The following ATAD2 variants were observed in gnomAD, a reference collection of about 807,000 sequenced individuals.
The protein encoded by ATAD2 is ATPase family AAA domain containing 2.
In ATAD2, 62 loss-of-function variants were observed where a neutral mutation model predicts 168.9. The observed-to-expected ratio is 0.37, with a 90% CI of 0.30 to 0.45. ATAD2 has a LOEUF of 0.45. Ranked by LOEUF, ATAD2 falls within the 20% of genes least tolerant of loss-of-function variation. The pLI, the probability that ATAD2 is intolerant of heterozygous loss-of-function variation, is 1.00. For missense variants in ATAD2, 1,419 were observed against 1,667.8 expected, an observed-to-expected ratio of 0.85 and a Z score of 2.60; for synonymous variants, 613 against 571.6, an observed-to-expected ratio of 1.07 and a Z score of -1.03.
chr8:123,368,450 T>A (rs1221220150), intron 8 of ATAD2, among the ~76,000 whole-genome samples: 1 of 151,212 alleles, frequency 6.6e-6, no homozygotes, highest in African/African-American at 2.4e-5. Flanking sequence ...ATAAATAAAA[T>A]AAAAATAGAA....
chr8:123,343,577 A>C (rs1828133600), intron 19 of ATAD2, among the ~76,000 whole-genome samples: 1 of 152,208 alleles, frequency 6.6e-6, no homozygotes, highest in Non-Finnish European at 1.5e-5. Flanking sequence ...GTGTTCTAAA[A>C]AGTGTAAACC....
intron 19 of ATAD2, chr8:123,344,642 C>T (rs559959558): frequency 3.9e-5 from 16 of 415,316 alleles, no homozygotes; most frequent in East Asian, 2.6e-4. Flanking sequence ...CCACTGCACC[C>T]GGCATATAAT....
chr8:123,372,705 GATTA>G lies in ATAD2; in HGVS notation c.321-23_321-20del. 1 of 1,543,716 alleles carries G rather than the reference GATTA, an allele frequency of 6.5e-7. No homozygotes were observed. On this transcript the variant is annotated intron_variant, in intron 2 of 27. Coordinates refer to ENST00000287394, the MANE Select transcript of ATAD2 (RefSeq NM_014109.4). ...CAACTGCCTATATTTTAAAAAATTA[GATTA>G]ATTCAAAATAATTGACATAACTTTA...
At chr8:123,339,284 A>C in intron 20 of ATAD2, 27 bp downstream of exon 20, 1 of 1,469,426 alleles carries the variant, frequency 6.8e-7, no homozygotes, top group South Asian at 1.3e-5. Flanking sequence ...AAAATTATTA[A>C]ATATTAACTT....
rs1255925913 is a variant in ATAD2 at position 123,386,399 on chromosome 8, G to GAAAT, written c.172-5726_172-5723dup. Among the ~76,000 whole-genome samples the GAAAT allele has an allele frequency of 5.3e-5, 8 of 152,278 alleles. No individual in the cohort carries two copies. In the South Asian group the frequency reaches 1.7e-3, roughly 32 times the overall value. On this transcript the variant is annotated intron_variant, in intron 1 of 27. Coordinates refer to ENST00000287394, the MANE Select transcript of ATAD2 (RefSeq NM_014109.4). ...GATGAACTCTGAAGATATGCTAAGTGAAATAAGCAAGTCATAAAAGACAAA... is the reference window on the plus strand; with the variant it reads ...GATGAACTCTGAAGATATGCTAAGTGAAATAAATAAGCAAGTCATAAAAGACAAA...
At chr8:123,407,784 C>T (rs1447814415) in intron 1 of ATAD2, among the ~76,000 whole-genome samples, 6 of 150,872 alleles carry the variant, frequency 4.0e-5, no homozygotes, top group East Asian at 2.0e-4. Context: ...ACCTAGGAGG[C>T]GGAGGTTGCA....
chr8:123,384,091 A>AG lies in ATAD2; in HGVS notation c.172-3415_172-3414insC, dbSNP rs1201790374. ...CGAGACTCCGTCTCAAAAAAAAAAA[A>AG]AAAGAAAGAAAGAAAAAAACTGAAT... is the stretch of plus-strand genomic sequence containing the variant. On this transcript the variant is annotated intron_variant, in intron 1 of 27. Coordinates refer to ENST00000287394, the MANE Select transcript of ATAD2 (RefSeq NM_014109.4). 5.3e-5 allele frequency among the ~76,000 whole-genome samples: 8 copies of AG among 151,926 alleles called. 1 individual carries two copies. Among genetic ancestry groups the AG allele is most frequent in the Admixed American group, 6.5e-5 (1 of 15,268 alleles).
rs779379557 is a variant in ATAD2 at position 123,336,483 on chromosome 8, A to G, written c.3101T>C (p.Val1034Ala). ...CTTGTGTAGATCAATTTTACTGATTACAGATGAAAGGTCCATTGGTTGCTT... is the reference window on the plus strand; with the variant it reads ...CTTGTGTAGATCAATTTTACTGATTGCAGATGAAAGGTCCATTGGTTGCTT... ...VIKQPMDLSS[V>A]ISKIDLHKYL... The change falls in exon 22 of 28, where the codon GTA (valine) becomes GCA (alanine). Residue 1034 changes from valine (V) to alanine (A), a missense_variant. Transcript: ENST00000287394. 2 of 1,542,238 alleles carry G rather than the reference A, an allele frequency of 1.3e-6. No homozygotes were observed. The highest frequency in any genetic ancestry group is 2.4e-5 in the East Asian group (1 of 41,250).
At chr8:123,370,072 TAAC>T in intron 6 of ATAD2, 48 bp from the exon 7 acceptor site, 2 of 1,514,186 alleles carry the variant, frequency 1.3e-6, no homozygotes, top group Non-Finnish European at 1.8e-6. Flanking sequence ...AGCAAAATGT[TAAC>T]AATTTTTAAC....
chr8:123,391,746 CA>C (rs1425325824), intron 1 of ATAD2, among the ~76,000 whole-genome samples: 1 of 152,110 alleles, frequency 6.6e-6, no homozygotes, highest in African/African-American at 2.4e-5. Context: ...GTAAAGCCCC[CA>C]AATCAGAAAA....
rs1827452460 is a variant in ATAD2 at position 123,320,998 on chromosome 8, G to A, written c.*136C>T. The A allele has an allele frequency of 2.6e-6, 2 of 759,578 alleles. No individual in the cohort carries two copies. Among genetic ancestry groups the A allele is most frequent in the Admixed American group, 2.9e-5 (1 of 34,246 alleles). The allele number at this position is 759,578 out of a possible 1,614,324, so 47.1% of individuals were successfully genotyped here. A position where few individuals can be genotyped will look rare whatever the true frequency, so the allele number is the denominator to read the frequency against. On this transcript the variant is annotated 3_prime_UTR_variant, in exon 28 of 28. Transcript: ENST00000287394. ...TAATATGTACATAAATATCAGGAAA[G>A]TTTAAATACTTTTATTTTACTATTT...
At chr8:123,401,136 G>C, upstream of ATAD2, 1 of 1,209,174 alleles carries the variant, frequency 8.3e-7, no homozygotes, top group Non-Finnish European at 1.2e-6. Flanking sequence ...AGCTGGTGGT[G>C]GCTCCAGCAG....
At chr8:123,405,796 C>T (rs1191615705) in intron 1 of ATAD2, among the ~76,000 whole-genome samples, 3 of 152,178 alleles carry the variant, frequency 2.0e-5, no homozygotes, top group Non-Finnish European at 4.4e-5. Context: ...TTTAAGTAGA[C>T]CTTTCTTGCT....
In ATAD2 at chr8:123,402,544, C is replaced by G. The variant is rs751509663; in HGVS notation, c.-2281-1369G>C. Reference sequence around the variant, plus strand: ...CATGTGGCACTTCTGAGCTCCTGACCTAGGCTAAGGGGAGGTCTCTGCCCC... The same window carrying G: ...CATGTGGCACTTCTGAGCTCCTGACGTAGGCTAAGGGGAGGTCTCTGCCCC... On this transcript the variant is annotated intron_variant, in intron 1 of 28. Coordinates refer to the ATAD2 transcript ENST00000521903. This position sits in a 1 kb window ranked among gnomAD's most constrained non-coding sequence, Gnocchi z 4.8. 3.3e-5 allele frequency among the ~76,000 whole-genome samples: 5 copies of G among 152,162 alleles called. No individual in the cohort carries two copies. The highest frequency in any genetic ancestry group is 7.4e-5 in the Non-Finnish European group (5 of 68,010).
At chr8:123,356,966 C>A (rs994645081) in intron 12 of ATAD2, among the ~76,000 whole-genome samples, 1 of 151,884 alleles carries the variant, frequency 6.6e-6, no homozygotes, top group East Asian at 1.9e-4. Context: ...TTCCTGGACA[C>A]GCAAAAATAT....
At chr8:123,401,042 G>A (rs959268610), upstream of ATAD2, 41 of 1,571,212 alleles carry the variant, frequency 2.6e-5, no homozygotes, top group African/African-American at 4.0e-5. Flanking sequence ...AAGCCGGTGG[G>A]CATCGTCACT....
intron 2 of ATAD2, among the ~76,000 whole-genome samples, chr8:123,377,820 T>C (rs1469354422): frequency 6.6e-6 from 1 of 152,244 alleles, no homozygotes; most frequent in Non-Finnish European, 1.5e-5. Context: ...GCATCATTTA[T>C]GTATTCAGGT....
intron 1 of ATAD2, among the ~76,000 whole-genome samples, chr8:123,410,533 C>A (rs1427412169): frequency 1.0e-5 from 1 of 96,488 alleles, no homozygotes; most frequent in African/African-American, 3.7e-5. Flanking sequence ...GTGATCCACC[C>A]GCCTTGGCCT....
At chr8:123,331,028 ATTCTCTTG>A (rs1827761658) in intron 24 of ATAD2, among the ~76,000 whole-genome samples, 1 of 152,042 alleles carries the variant, frequency 6.6e-6, no homozygotes, top group Non-Finnish European at 1.5e-5. Context: ...GGTTCAAGCA[ATTCTCTTG>A]CCTCAGTCCC....
Sources: gnomAD v4.1 joint callset for allele counts (sites outside exome capture counted in the v4.1 genomes callset) on GRCh38, gnomAD v4.1.1 for gene constraint, Gnocchi (gnomAD v3.1) non-coding constraint, MANE v1.5 for transcripts, NCBI Gene and HGNC (gene_info 2026-07-23, HGNC 2026-07-21) for gene names.